Variants in SNX29 observed in about 807,000 individuals in gnomAD.
SNX29 encodes the protein sorting nexin-29.
In SNX29, 78 loss-of-function variants were observed where a neutral mutation model predicts 102.1. That is an observed-to-expected ratio of 0.76 (90% CI 0.64 to 0.92). The LOEUF is 0.92. Ranked by LOEUF, SNX29 falls within the 40% of genes least tolerant of loss-of-function variation. SNX29 has a pLI of 0.00. For missense variants in SNX29, 1,280 were observed against 1,061.7 expected (o/e 1.21, Z -2.86); for synonymous variants, 580 against 414.5 (o/e 1.40, Z -4.85).
At chr16:12,243,369 C>T (rs1377996340) in intron 14 of SNX29, among the ~76,000 whole-genome samples, 3 of 152,222 alleles carry the variant, frequency 2.0e-5, no homozygotes, top group Non-Finnish European at 2.9e-5. Flanking sequence ...TTCTGCTGCC[C>T]TGCCATTCCT....
chr16:12,118,313 C>CTTTTTTTTGTTTTTTTTT (rs2053822653), intron 11 of SNX29, among the ~76,000 whole-genome samples: 1 of 86,114 alleles, frequency 1.2e-5, no homozygotes, highest in African/African-American at 5.2e-5. Flanking sequence ...TACAGACCAC[C>CTTTTTTTTGTTTTTTTTT]TTTTTTTTTT....
chr16:12,347,161 A>G (rs1009634439), intron 15 of SNX29, among the ~76,000 whole-genome samples: 1 of 151,704 alleles, frequency 6.6e-6, no homozygotes, highest in Admixed American at 6.6e-5. Flanking sequence ...ATGTGAAGTT[A>G]TCACCAGGGT....
chr16:12,549,971 T>G (rs1336304817), intron 20 of SNX29, among the ~76,000 whole-genome samples: 4 of 152,254 alleles, frequency 2.6e-5, no homozygotes, highest in Non-Finnish European at 5.9e-5. Context: ...ACATGCCCAG[T>G]CATTCACACT....
At position 12,432,605 on chromosome 16, in the gene SNX29, C is replaced by T. The variant is rs1405485715; in HGVS notation, c.2037+29076C>T. ...GCTATGTATAAGAGCAGCAACGCCA[C>T]ACACGTGCCGCGCGTCACCTCCTGT... On this transcript the variant is annotated intron_variant, in intron 18 of 20. Transcript: ENST00000566228. Among the ~76,000 whole-genome samples, 3 of 152,226 alleles carry T rather than the reference C, an allele frequency of 2.0e-5. No individual in the cohort carries two copies. In the East Asian group the frequency reaches 5.8e-4, roughly 29 times the overall value.
chr16:12,086,502 C>T (rs2052199177), intron 11 of SNX29, among the ~76,000 whole-genome samples: 1 of 152,050 alleles, frequency 6.6e-6, no homozygotes, highest in Non-Finnish European at 1.5e-5. Context: ...CCTTGAACTC[C>T]TGGGCTTAAG....
intron 14 of SNX29, among the ~76,000 whole-genome samples, chr16:12,209,150 G>T (rs181115985): frequency 6.6e-6 from 1 of 152,312 alleles, no homozygotes; most frequent in East Asian, 1.9e-4. Flanking sequence ...GGGCAAGCAG[G>T]TATTCCCTGT....
chr16:12,030,506 A>G (rs940444017), intron 4 of SNX29, among the ~76,000 whole-genome samples: 11 of 152,098 alleles, frequency 7.2e-5, no homozygotes, highest in African/African-American at 2.4e-4. Flanking sequence ...AACCAGTCCC[A>G]CAAAGAGCAT....
At position 12,516,444 on chromosome 16, in the gene SNX29, C is replaced by T. The variant is rs748802583; in HGVS notation, c.2179-8258C>T. Among the ~76,000 whole-genome samples the T allele has an allele frequency of 1.2e-3, 177 of 142,140 alleles. 1 individual carries two copies. Among genetic ancestry groups the T allele is most frequent in the Admixed American group, 2.4e-3 (32 of 13,374 alleles). 93.2% of individuals were successfully genotyped at this position (142,140 alleles called of 152,430 possible). On this transcript the variant is annotated intron_variant, in intron 19 of 20. Transcript: ENST00000566228. Reference sequence around the variant, plus strand: ...GCAGTGAGCCATGATTGTACCACTGCACTTCAGTCTTGGCAACAGAGAGAT... The same window carrying T: ...GCAGTGAGCCATGATTGTACCACTGTACTTCAGTCTTGGCAACAGAGAGAT...
At chr16:12,556,635 T>C (rs1340445829) in intron 20 of SNX29, 1 of 152,292 alleles carries the variant, frequency 6.6e-6, no homozygotes, top group Non-Finnish European at 1.5e-5. Context: ...GGACGGTGTC[T>C]GGGTTTAGGA....
chr16:12,463,102 G>T (rs375514144), intron 18 of SNX29, among the ~76,000 whole-genome samples: 12 of 152,194 alleles, frequency 7.9e-5, no homozygotes, highest in African/African-American at 2.9e-4. Flanking sequence ...TGCTGAAGAT[G>T]CCCCTTATTA....
At chr16:12,024,160 C>A (rs2057120301) in intron 3 of SNX29, among the ~76,000 whole-genome samples, 1 of 148,338 alleles carries the variant, frequency 6.7e-6, no homozygotes, top group Non-Finnish European at 1.5e-5. Context: ...TCTTTTGAGA[C>A]TGAGTTTCGC....
intron 19 of SNX29, among the ~76,000 whole-genome samples, chr16:12,521,062 C>T (rs1437792390): frequency 6.6e-6 from 1 of 152,086 alleles, no homozygotes; most frequent in Non-Finnish European, 1.5e-5. Context: ...TGCCTGTAAT[C>T]CCAGCTACTT....
At chr16:12,057,741 G>A (rs2050577011) in intron 8 of SNX29, among the ~76,000 whole-genome samples, 1 of 151,742 alleles carries the variant, frequency 6.6e-6, no homozygotes, top group South Asian at 2.1e-4. Flanking sequence ...CTCAAATGAT[G>A]TTTAAGAGTG....
chr16:12,346,347 G>T (rs31678), intron 15 of SNX29, among the ~76,000 whole-genome samples: 1 of 152,086 alleles, frequency 6.6e-6, no homozygotes, highest in African/African-American at 2.4e-5. Flanking sequence ...AGTACTTTAC[G>T]TAACCCTAAG....
chr16:12,567,965 T>A (rs1215977694), intron 20 of SNX29, among the ~76,000 whole-genome samples: 1 of 152,150 alleles, frequency 6.6e-6, no homozygotes, highest in African/African-American at 2.4e-5. Context: ...TGTCCCCCTC[T>A]TGGTGTTATC....
At chr16:12,322,252 C>T (rs1461908894) in intron 15 of SNX29, among the ~76,000 whole-genome samples, 2 of 152,166 alleles carry the variant, frequency 1.3e-5, no homozygotes, top group Non-Finnish European at 2.9e-5. Context: ...AACCTACATC[C>T]TGTGTTCCAC....
At chr16:12,155,883 T>G (rs2055526957) in intron 13 of SNX29, among the ~76,000 whole-genome samples, 1 of 152,166 alleles carries the variant, frequency 6.6e-6, no homozygotes, top group South Asian at 2.1e-4. Context: ...ATGAGATCAC[T>G]CCTCTGCTCA....
chr16:12,570,068 T>C lies in SNX29; in HGVS notation c.*1439T>C, dbSNP rs1432158530. 7.6e-6 allele frequency: 5 copies of C among 654,632 alleles called. No homozygotes were observed. The African/African-American group carries it at 9.4e-5, about 12-fold the overall frequency. The allele number at this position is 654,632 out of a possible 1,614,324, so 40.6% of individuals were successfully genotyped here. A position where few individuals can be genotyped will look rare whatever the true frequency, so the allele number is the denominator to read the frequency against. ...GCTCGAGGACATCTCTGGAGAATCATCTGGAAGGTTTATACTGTGCCTTCC... is the reference window on the plus strand; with the variant it reads ...GCTCGAGGACATCTCTGGAGAATCACCTGGAAGGTTTATACTGTGCCTTCC... On this transcript the variant is annotated 3_prime_UTR_variant, in exon 21 of 21. Coordinates refer to ENST00000566228, the MANE Select transcript of SNX29 (RefSeq NM_032167.5).
rs1217013659 is a variant in SNX29, at chr16:12,457,648, A to G, written c.2038-20071A>G. ...GGCCCTGTTCACACCTCATTTACCC[A>G]TCATAAAAAGACTTGGACCAGGCAA... On this transcript the variant is annotated intron_variant, in intron 18 of 20. Transcript: ENST00000566228. Among the ~76,000 whole-genome samples the G allele has an allele frequency of 8.5e-5, 13 of 152,228 alleles. 1 individual carries two copies. Among genetic ancestry groups the G allele is most frequent in the Admixed American group, 6.5e-4 (10 of 15,290 alleles).
Sources: allele counts gnomAD v4.1 joint callset (sites outside exome capture counted in the v4.1 genomes callset), GRCh38; gene constraint gnomAD v4.1.1; transcripts MANE v1.5; gene names NCBI Gene and HGNC (gene_info 2026-07-23, HGNC 2026-07-21).